SSTR2: variants seen among roughly 807,000 people sequenced by gnomAD.
The protein encoded by SSTR2 is somatostatin receptor 2.
Under a neutral mutation model 21.4 loss-of-function variants are expected in SSTR2, and 10 were observed. The observed-to-expected ratio is 0.47, with a 90% confidence interval of 0.29 to 0.79. The LOEUF (loss-of-function observed/expected upper bound fraction) is 0.79. Among genes scored for constraint, SSTR2 ranks in the 30% least tolerant of loss-of-function variants. The pLI is 0.10. For missense variants in SSTR2, 364 were observed against 468.8 expected (o/e 0.78, Z 2.06); for synonymous variants, 177 against 181.3 (o/e 0.98, Z 0.19).
chr17:73,167,917 T>C (rs1320615789), intron 1 of SSTR2: 1 of 152,244 alleles, frequency 6.6e-6, no homozygotes, highest in Non-Finnish European at 1.5e-5. Context: ...GGATGAACTA[T>C]TGTTTTAGAT....
chr17:73,168,266 C>G (rs1001641912), intron 1 of SSTR2: 4 of 152,194 alleles, frequency 2.6e-5, no homozygotes, highest in African/African-American at 9.6e-5. Context: ...GTACTGGAAG[C>G]CTTCTGCTTA....
At position 73,170,038 on chromosome 17, in the gene SSTR2, T is replaced by A. The variant is rs754340993; in HGVS notation, c.719T>A (p.Ile240Asn). ...ATCATCAAGGTGAAGTCCTCTGGAA[T>A]CCGAGTGGGCTCCTCTAAGAGGAAG... ...FIIIKVKSSG[I>N]RVGSSKRKKS... Residue 240 changes from isoleucine (I) to asparagine (N), a missense_variant, in exon 2 of 2, where the codon ATC becomes AAC. By Grantham distance (149) the Ile-to-Asn change is moderately radical. Transcript: ENST00000357585. The A allele has an allele frequency of 7.4e-6, 12 of 1,614,156 alleles. No homozygotes were observed. The highest frequency in any genetic ancestry group is 3.3e-4 in the Middle Eastern group (2 of 6,062).
At chr17:73,165,946 C>CT (rs951187950) in intron 1 of SSTR2, among the ~76,000 whole-genome samples, 1 of 151,314 alleles carries the variant, frequency 6.6e-6, no homozygotes, top group Non-Finnish European at 1.5e-5. Flanking sequence ...CTCAGCGCCC[C>CT]CCCCCCACAC....
intron 1 of SSTR2, among the ~76,000 whole-genome samples, chr17:73,167,811 T>G (rs2061221104): frequency 6.6e-6 from 1 of 152,212 alleles, no homozygotes; most frequent in Non-Finnish European, 1.5e-5. Context: ...TTTGTTCATT[T>G]CTACATCCCT....
Position 73,173,805 on chromosome 17 carries a change from CAG to C in SSTR2, c.*3379_*3380del, listed in dbSNP as rs2061242087. The C allele has an allele frequency of 6.6e-6, 1 of 152,136 alleles. No homozygotes were observed. The highest frequency in any genetic ancestry group is 1.5e-5 in the Non-Finnish European group (1 of 68,040). 9.4% of individuals were successfully genotyped at this position (152,136 alleles called of 1,614,324 possible). ...ATGATGTTAGCTTGTGTTTCAGTAA[CAG>C]AGTTGGGTAATACTGGACGTGTAGA... On this transcript the variant is annotated 3_prime_UTR_variant, in exon 2 of 2. Coordinates refer to ENST00000357585, the MANE Select transcript of SSTR2 (RefSeq NM_001050.3).
rs537069475 is a variant in SSTR2 at position 73,168,681 on chromosome 17, C to T, written c.-92-547C>T. 6.6e-5 allele frequency among the ~76,000 whole-genome samples: 10 copies of T among 152,294 alleles called. No individual in the cohort carries two copies. The South Asian group carries it at 1.5e-3, about 22-fold the overall frequency. ...ATATTCCATCATTTAACCTTCATGA[C>T]GCCCCCATGTGAAGAAATAAGAGTC... On this transcript the variant is annotated intron_variant, in intron 1 of 1. Transcript: ENST00000357585.
chr17:73,174,174 T>G lies in SSTR2; in HGVS notation c.*3745T>G, dbSNP rs2061243241. On this transcript the variant is annotated 3_prime_UTR_variant, in exon 2 of 2. Transcript: ENST00000357585. Reference sequence around the variant, plus strand: ...GAAGAAAAAGAAACTTAAGTGGGGTTCATACATAGCATGGCAGAGGGACAC... The same window carrying G: ...GAAGAAAAAGAAACTTAAGTGGGGTGCATACATAGCATGGCAGAGGGACAC... 6.7e-6 allele frequency: 1 copy of G among 149,936 alleles called. No homozygotes were observed. Among genetic ancestry groups the G allele is most frequent in the Non-Finnish European group, 1.5e-5 (1 of 67,730 alleles). The allele number at this position is 149,936 out of a possible 1,614,324, so 9.3% of individuals were successfully genotyped here.
chr17:73,165,942 G>GCCCCCCC (rs398041871), intron 1 of SSTR2, among the ~76,000 whole-genome samples: 1 of 142,358 alleles, frequency 7.0e-6, no homozygotes, highest in African/African-American at 2.7e-5. Context: ...TGTCCTCAGC[G>GCCCCCCC]CCCCCCCCCC....
chr17:73,165,723 C>T, intron 1 of SSTR2, among the ~76,000 whole-genome samples: 1 of 151,622 alleles, frequency 6.6e-6, no homozygotes, highest in Non-Finnish European at 1.5e-5. Flanking sequence ...GAGATCCGAG[C>T]CTGCCAGAGG....
rs1223874697 is a variant in SSTR2 at position 73,170,980 on chromosome 17, G to A, written c.*551G>A. 9 of 316,780 alleles carry A rather than the reference G, an allele frequency of 2.8e-5. No homozygotes were observed. Among genetic ancestry groups the A allele is most frequent in the Non-Finnish European group, 3.9e-5 (6 of 152,748 alleles). The allele number at this position is 316,780 out of a possible 1,614,324, so 19.6% of individuals were successfully genotyped here. On this transcript the variant is annotated 3_prime_UTR_variant, in exon 2 of 2. Transcript: ENST00000357585. ...ATCTCTCTTGCACGGGCCTTGCCAAGGCCCAGGAGGGACTTGGGCAGTATG... is the reference window on the plus strand; with the variant it reads ...ATCTCTCTTGCACGGGCCTTGCCAAAGCCCAGGAGGGACTTGGGCAGTATG...
chr17:73,170,635 A>G lies in SSTR2; in HGVS notation c.*206A>G. 1.4e-6 allele frequency: 1 copy of G among 727,428 alleles called. No individual in the cohort carries two copies. Among genetic ancestry groups the G allele is most frequent in the Non-Finnish European group, 2.5e-6 (1 of 400,098 alleles). The allele number at this position is 727,428 out of a possible 1,614,324, so 45.1% of individuals were successfully genotyped here. A position where few individuals can be genotyped will look rare whatever the true frequency, so the allele number is the denominator to read the frequency against. On this transcript the variant is annotated 3_prime_UTR_variant, in exon 2 of 2. Coordinates refer to ENST00000357585, the MANE Select transcript of SSTR2 (RefSeq NM_001050.3). ...GCTAAATTGATTACCTCCCCCTTAA[A>G]GCGAACACTGAAATGCAGGTAGACA...
In SSTR2 at chr17:73,175,257, T is replaced by C. The variant is rs1471670199; in HGVS notation, c.*4828T>C. 1 of 152,040 alleles carries C rather than the reference T, an allele frequency of 6.6e-6. No homozygotes were observed. The highest frequency in any genetic ancestry group is 1.5e-5 in the Non-Finnish European group (1 of 68,014). 9.4% of individuals were successfully genotyped at this position (152,040 alleles called of 1,614,324 possible). ...CTAAGTGCTTGTTTTGCTTTTAATA[T>C]GTGAATTTCTGGGAACATTCCCATG... On this transcript the variant is annotated 3_prime_UTR_variant, in exon 2 of 2. Transcript: ENST00000357585.
In SSTR2 at chr17:73,169,505, A is replaced by T. The variant is rs200829899; in HGVS notation, c.186A>T (p.Thr62=). The change falls in exon 2 of 2, where the codon ACA becomes ACT. Residue 62 remains threonine (T), a synonymous_variant. Transcript: ENST00000357585. This position sits in a 1 kb window ranked among gnomAD's most constrained non-coding sequence, Gnocchi z 5.2. ...VVCIIGLCGN[T]LVIYVILRYA... ...GCATCATTGGGTTGTGTGGCAACAC[A>T]CTTGTCATTTATGTCATCCTCCGCT... 6.3e-5 allele frequency: 101 copies of T among 1,614,148 alleles called. No individual in the cohort carries two copies. The highest frequency in any genetic ancestry group is 8.4e-5 in the Non-Finnish European group (99 of 1,180,058).
rs746122592 is a variant in SSTR2, at chr17:73,169,461, T to G, written c.142T>G (p.Phe48Val). 1.2e-6 allele frequency: 2 copies of G among 1,614,110 alleles called. No homozygotes were observed. Among genetic ancestry groups the G allele is most frequent in the Non-Finnish European group, 1.7e-6 (2 of 1,180,048 alleles). ...YDLTSNAVLT[F>V]IYFVVCIIGL... ...CCTGACAAGCAATGCAGTCCTCACATTCATCTATTTTGTGGTCTGCATCAT... is the reference window on the plus strand; with the variant it reads ...CCTGACAAGCAATGCAGTCCTCACAGTCATCTATTTTGTGGTCTGCATCAT... Residue 48 changes from phenylalanine (F) to valine (V), a missense_variant, in exon 2 of 2, where the codon TTC (phenylalanine) becomes GTC (valine). Around this residue, in one of 4 missense-constraint regions of SSTR2, gnomAD observed 75 missense variants for 75.4 expected, o/e 0.99. Transcript: ENST00000357585. This position sits in a 1 kb window ranked among gnomAD's most constrained non-coding sequence, Gnocchi z 5.2.
chr17:73,172,461 C>T lies in SSTR2; in HGVS notation c.*2032C>T, dbSNP rs532237319. On this transcript the variant is annotated 3_prime_UTR_variant, in exon 2 of 2. Transcript: ENST00000357585. ...TGGCCGGTGGGAGTGACTAAGTGCTCCACCTGTGGGTGTCCTTCTTAATGT... is the reference window on the plus strand; with the variant it reads ...TGGCCGGTGGGAGTGACTAAGTGCTTCACCTGTGGGTGTCCTTCTTAATGT... 6.6e-6 allele frequency: 1 copy of T among 152,292 alleles called. No individual in the cohort carries two copies. The highest frequency in any genetic ancestry group is 2.1e-4 in the South Asian group (1 of 4,832). The allele number at this position is 152,292 out of a possible 1,614,324, so 9.4% of individuals were successfully genotyped here. A position where few individuals can be genotyped will look rare whatever the true frequency, so the allele number is the denominator to read the frequency against.
chr17:73,165,709 C>A (rs1568284920), intron 1 of SSTR2, among the ~76,000 whole-genome samples: 1 of 151,452 alleles, frequency 6.6e-6, no homozygotes, highest in Non-Finnish European at 1.5e-5. Flanking sequence ...CGGGAGCGCA[C>A]CCGGAGATCC....
chr17:73,168,581 TAGAGGA>T (rs752519221), intron 1 of SSTR2, among the ~76,000 whole-genome samples: 25 of 152,332 alleles, frequency 1.6e-4, no homozygotes, highest in Non-Finnish European at 3.2e-4. Context: ...AATGAGATGG[TAGAGGA>T]AAACATGGGG....
rs2061244802 is a variant in SSTR2 at position 73,174,751 on chromosome 17, AC to A, written c.*4323del. ...TAGGTTACCTGTTGATTTAAAAACA[AC>A]AACAACAAAAACCCATAAAAATAGT... On this transcript the variant is annotated 3_prime_UTR_variant, in exon 2 of 2. Coordinates refer to ENST00000357585, the MANE Select transcript of SSTR2 (RefSeq NM_001050.3). The A allele has an allele frequency of 6.6e-6, 1 of 152,552 alleles. No individual in the cohort carries two copies. Among genetic ancestry groups the A allele is most frequent in the Non-Finnish European group, 1.5e-5 (1 of 68,054 alleles). The allele number at this position is 152,552 out of a possible 1,614,324, so 9.4% of individuals were successfully genotyped here.
rs1260221072 is a variant in SSTR2, at chr17:73,173,813, G to A, written c.*3384G>A. The A allele has an allele frequency of 6.6e-6, 1 of 152,194 alleles. No homozygotes were observed. The highest frequency in any genetic ancestry group is 2.4e-5 in the African/African-American group (1 of 41,436). The allele number at this position is 152,194 out of a possible 1,614,324, so 9.4% of individuals were successfully genotyped here. On this transcript the variant is annotated 3_prime_UTR_variant, in exon 2 of 2. Coordinates refer to ENST00000357585, the MANE Select transcript of SSTR2 (RefSeq NM_001050.3). ...AGCTTGTGTTTCAGTAACAGAGTTG[G>A]GTAATACTGGACGTGTAGATGAAGC...
Sources: allele counts gnomAD v4.1 joint callset (sites outside exome capture counted in the v4.1 genomes callset), GRCh38; gene constraint gnomAD v4.1.1; regional missense constraint gnomAD v4.1.1; non-coding constraint Gnocchi (gnomAD v3.1); transcripts MANE v1.5; gene names NCBI Gene and HGNC (gene_info 2026-07-23, HGNC 2026-07-21).